Variants in ABLIM3 observed in about 807,000 individuals in gnomAD.
The protein encoded by ABLIM3 is actin binding LIM protein family member 3.
ABLIM3 carries 61 observed loss-of-function variants against 109.5 expected under a neutral mutation model. That is an observed-to-expected ratio of 0.56 (90% CI 0.45 to 0.69). The LOEUF is 0.69. ABLIM3 is among the 30% of genes least tolerant of loss of function. ABLIM3 has a pLI of 0.00. For synonymous variants in ABLIM3, 300 were observed against 324.8 expected (o/e 0.92, Z 0.82); for missense variants, 796 against 889.5 (o/e 0.89, Z 1.34).
intron 23 of ABLIM3, among the ~76,000 whole-genome samples, chr5:149,256,937 T>C (rs1197431841): frequency 6.6e-6 from 1 of 152,264 alleles, no homozygotes; most frequent in Non-Finnish European, 1.5e-5. Flanking sequence ...GTCCCAGCTC[T>C]ACTACTTCAA....
At chr5:149,187,018 CA>C (rs1192269109) in intron 3 of ABLIM3, among the ~76,000 whole-genome samples, 4 of 151,534 alleles carry the variant, frequency 2.6e-5, no homozygotes, top group Non-Finnish European at 5.9e-5. Context: ...AGATTTCATC[CA>C]AAAAAAGTTA....
At chr5:149,207,383 G>A (rs1412717114) in intron 6 of ABLIM3, among the ~76,000 whole-genome samples, 3 of 151,996 alleles carry the variant, frequency 2.0e-5, no homozygotes, top group Non-Finnish European at 4.4e-5. Flanking sequence ...TTCTGGTCTC[G>A]GTCCCCATGC....
intron 2 of ABLIM3, among the ~76,000 whole-genome samples, chr5:149,175,857 G>A (rs372513078): frequency 2.0e-5 from 3 of 152,144 alleles, no homozygotes; most frequent in South Asian, 2.1e-4. Flanking sequence ...AGAGCATGCC[G>A]TTCTGACACA....
At chr5:149,164,093 A>G (rs1014039732) in intron 2 of ABLIM3, 4 of 152,166 alleles carry the variant, frequency 2.6e-5, no homozygotes, top group Admixed American at 2.0e-4. Context: ...TTGCATAACC[A>G]TTTGACGGGT....
At chr5:149,146,121 T>A (rs1752903447) in intron 2 of ABLIM3, among the ~76,000 whole-genome samples, 1 of 152,170 alleles carries the variant, frequency 6.6e-6, no homozygotes, top group African/African-American at 2.4e-5. Context: ...TGTTCATGTC[T>A]TTTGCCCACT....
chr5:149,174,361 C>T (rs1465477521), intron 2 of ABLIM3: 2 of 152,108 alleles, frequency 1.3e-5, no homozygotes, highest in East Asian at 1.9e-4. Context: ...TGAGGAAAGC[C>T]GGGTTCACAG....
At chr5:149,197,863 T>C (rs1758121664) in intron 3 of ABLIM3, among the ~76,000 whole-genome samples, 1 of 152,236 alleles carries the variant, frequency 6.6e-6, no homozygotes, top group Admixed American at 6.5e-5. Flanking sequence ...AATCAGCCTA[T>C]CCGGGTGAGG....
At chr5:149,183,765 A>T (rs1436075001) in intron 3 of ABLIM3, among the ~76,000 whole-genome samples, 176 bp downstream of exon 3, 1 of 152,142 alleles carries the variant, frequency 6.6e-6, no homozygotes, top group African/African-American at 2.4e-5. Context: ...AGGGCAGTGT[A>T]TTGGTACGTG....
chr5:149,212,941 A>T (rs1256753499), intron 7 of ABLIM3, among the ~76,000 whole-genome samples: 1 of 152,176 alleles, frequency 6.6e-6, no homozygotes, highest in African/African-American at 2.4e-5. Flanking sequence ...CCTAGGCAAC[A>T]CAGTGAGACT....
intron 3 of ABLIM3, among the ~76,000 whole-genome samples, chr5:149,196,662 A>T (rs1758005755): frequency 6.6e-6 from 1 of 152,154 alleles, no homozygotes; most frequent in South Asian, 2.1e-4. Flanking sequence ...CCTTCCTCTG[A>T]TTGCTAATCA....
At position 149,201,249 on chromosome 5, in the gene ABLIM3, T is replaced by C. The variant is rs150308888; in HGVS notation, c.448+821T>C. Among the ~76,000 whole-genome samples, 19 of 152,280 alleles carry C rather than the reference T, an allele frequency of 1.2e-4. No individual in the cohort carries two copies. In the East Asian group the frequency reaches 3.7e-3, roughly 29 times the overall value. On this transcript the variant is annotated intron_variant, in intron 5 of 23. Coordinates refer to ENST00000309868, the MANE Select transcript of ABLIM3 (RefSeq NM_014945.5). ...GCTGCTGCACATGCCCACACACACATAGACCCTGCCCCCTTGGTCTTGGTA... is the reference window on the plus strand; with the variant it reads ...GCTGCTGCACATGCCCACACACACACAGACCCTGCCCCCTTGGTCTTGGTA...
intron 2 of ABLIM3, among the ~76,000 whole-genome samples, chr5:149,160,611 G>A (rs1754266958): frequency 6.6e-6 from 1 of 152,170 alleles, no homozygotes; most frequent in Admixed American, 6.5e-5. Flanking sequence ...CTAGGGCATG[G>A]TGGGTGCCAA....
chr5:149,216,344 AAAAT>A (rs1760083750), intron 7 of ABLIM3, among the ~76,000 whole-genome samples: 1 of 152,208 alleles, frequency 6.6e-6, no homozygotes, highest in Non-Finnish European at 1.5e-5. Context: ...ATGTAACCTG[AAAAT>A]AAATAGAGTT....
chr5:149,220,953 C>T (rs1164240546), intron 8 of ABLIM3: 2 of 152,180 alleles, frequency 1.3e-5, no homozygotes, highest in Non-Finnish European at 2.9e-5. Context: ...GAAAGAGAAA[C>T]CAACAGTGCC....
intron 6 of ABLIM3, among the ~76,000 whole-genome samples, chr5:149,209,575 A>G (rs372526866): frequency 3.9e-5 from 6 of 152,350 alleles, no homozygotes; most frequent in East Asian, 3.9e-4. Context: ...CAAGAGAAGG[A>G]TGGATCCAAA....
At position 149,142,001 on chromosome 5, in the gene ABLIM3, C is replaced by T. The variant is rs1383183315; in HGVS notation, c.-87-8C>T. 15 of 1,578,614 alleles carry T rather than the reference C, an allele frequency of 9.5e-6. No homozygotes were observed. The highest frequency in any genetic ancestry group is 2.2e-5 in the South Asian group (2 of 90,286). On this transcript the variant is annotated splice_region_variant and splice_polypyrimidine_tract_variant and intron_variant, in intron 1 of 23. Transcript: ENST00000309868. Reference sequence around the variant, plus strand: ...GAGCTGGCACTGGACTGCCTTTTCACCCCCCAGGTGATGAGTGAGGTTCGA... The same window carrying T: ...GAGCTGGCACTGGACTGCCTTTTCATCCCCCAGGTGATGAGTGAGGTTCGA...
chr5:149,258,702 C>T lies in ABLIM3; in HGVS notation c.*298C>T. 1 of 1,047,104 alleles carries T rather than the reference C, an allele frequency of 9.6e-7. No homozygotes were observed. Among genetic ancestry groups the T allele is most frequent in the Non-Finnish European group, 1.1e-6 (1 of 870,962 alleles). The allele number at this position is 1,047,104 out of a possible 1,614,324, so 64.9% of individuals were successfully genotyped here. A position where few individuals can be genotyped will look rare whatever the true frequency, so the allele number is the denominator to read the frequency against. ...GTGCCCCAAGGTCCAACTCTCTTTCCTAAAGAAGGTGCCTGAAGAAGTCTC... is the reference window on the plus strand; with the variant it reads ...GTGCCCCAAGGTCCAACTCTCTTTCTTAAAGAAGGTGCCTGAAGAAGTCTC... On this transcript the variant is annotated 3_prime_UTR_variant, in exon 24 of 24. Coordinates refer to ENST00000309868, the MANE Select transcript of ABLIM3 (RefSeq NM_014945.5).
intron 8 of ABLIM3, among the ~76,000 whole-genome samples, chr5:149,222,687 G>A (rs1284089146): frequency 1.8e-5 from 2 of 113,660 alleles, no homozygotes; most frequent in African/African-American, 7.4e-5. Context: ...TTTTTTTTTA[G>A]CTCAGAGGAT....
At chr5:149,211,932 C>G (rs771134773) in intron 7 of ABLIM3, among the ~76,000 whole-genome samples, 1 of 152,010 alleles carries the variant, frequency 6.6e-6, no homozygotes. Flanking sequence ...GTAACCACAA[C>G]CAAGTGGCCA....
Sources: allele counts gnomAD v4.1 joint callset (sites outside exome capture counted in the v4.1 genomes callset), GRCh38; gene constraint gnomAD v4.1.1; transcripts MANE v1.5; gene names NCBI Gene and HGNC (gene_info 2026-07-23, HGNC 2026-07-21).